The following TMEM245 variants were observed in gnomAD, a reference collection of about 807,000 sequenced individuals.
The protein encoded by TMEM245 is protein CG-2.
TMEM245 carries 69 observed loss-of-function variants against 101.2 expected under a neutral mutation model. The ratio of observed to expected loss-of-function variants is 0.68; its 90% CI spans 0.56 to 0.83. The LOEUF is 0.83. Ranked by LOEUF, TMEM245 falls within the 40% of genes least tolerant of loss-of-function variation. The pLI, the probability that TMEM245 is intolerant of heterozygous loss-of-function variation, is 0.00. For synonymous variants in TMEM245, 537 were observed against 449.8 expected (o/e 1.19, Z -2.45); for missense variants, 1,075 against 1,092.8 (o/e 0.98, Z 0.23).
intron 17 of TMEM245, among the ~76,000 whole-genome samples, chr9:109,031,446 A>G (rs1827942143): frequency 6.6e-6 from 1 of 152,254 alleles, no homozygotes; most frequent in African/African-American, 2.4e-5. Context: ...CCATGAACAG[A>G]GAAAAACATC....
At chr9:109,026,600 G>A (rs1195701129) in intron 17 of TMEM245, among the ~76,000 whole-genome samples, 1 of 151,198 alleles carries the variant, frequency 6.6e-6, no homozygotes, top group Non-Finnish European at 1.5e-5. Context: ...GAACTAAGAG[G>A]CAAAAGCAAC....
chr9:109,078,079 A>G (rs1829565132), intron 8 of TMEM245, among the ~76,000 whole-genome samples: 3 of 152,156 alleles, frequency 2.0e-5, no homozygotes, highest in Admixed American at 2.0e-4. Flanking sequence ...CTGCTGTTTA[A>G]CTTATCTAAA....
chr9:109,108,429 A>G, intron 2 of TMEM245, 24 bp downstream of exon 2: 1 of 1,378,834 alleles, frequency 7.3e-7, no homozygotes, highest in East Asian at 2.5e-5. Flanking sequence ...TTAAAAAAAA[A>G]AAAAAAAAAA....
At chr9:109,057,907 C>T (rs1007338276) in intron 11 of TMEM245, among the ~76,000 whole-genome samples, 1 of 150,018 alleles carries the variant, frequency 6.7e-6, no homozygotes, top group African/African-American at 2.5e-5. Flanking sequence ...CTACAACACA[C>T]TAAACAGCAT....
intron 14 of TMEM245, among the ~76,000 whole-genome samples, chr9:109,044,576 T>A (rs1232869650): frequency 6.6e-6 from 1 of 152,082 alleles, no homozygotes; most frequent in Admixed American, 6.6e-5. Context: ...AGTGAGCTGG[T>A]GGGAGAGACC....
intron 8 of TMEM245, among the ~76,000 whole-genome samples, chr9:109,079,563 G>T (rs778613544): frequency 2.6e-5 from 4 of 152,036 alleles, no homozygotes; most frequent in Non-Finnish European, 5.9e-5. Flanking sequence ...AACCAATAAG[G>T]TTCCCTCAAA....
intron 10 of TMEM245, among the ~76,000 whole-genome samples, chr9:109,061,146 T>G (rs1333660042): frequency 6.6e-6 from 1 of 152,150 alleles, no homozygotes; most frequent in African/African-American, 2.4e-5. Context: ...CGAAACCCCA[T>G]CTTTACAAAA....
In TMEM245 at chr9:109,064,479, T is replaced by G; in HGVS notation, c.1621A>C (p.Lys541Gln). 6.2e-7 allele frequency: 1 copy of G among 1,612,186 alleles called. No homozygotes were observed. Among genetic ancestry groups the G allele is most frequent in the Non-Finnish European group, 8.5e-7 (1 of 1,179,064 alleles). ...YQYGREWITH[K>Q]LHKILGDKVN... ...ACAAAGAAAGTTTCTTCCCTTACCT[T>G]GTGAGTTATCCATTCTCGTCCATAC... Residue 541 changes from lysine (K) to glutamine (Q), a missense_variant and splice_region_variant, in exon 10 of 18, where the codon AAG becomes CAG. By Grantham distance (53) the Lys-to-Gln change is moderately conservative (BLOSUM62 1). Coordinates refer to ENST00000374586, the MANE Select transcript of TMEM245 (RefSeq NM_032012.4).
intron 6 of TMEM245, 103 bp downstream of exon 6, chr9:109,087,068 CAT>C (rs1829861077): frequency 1.1e-6 from 1 of 942,930 alleles, no homozygotes; most frequent in Non-Finnish European, 1.5e-6. Flanking sequence ...TTAGATATTA[CAT>C]GTGTTATCAA....
intron 2 of TMEM245, 53 bp from the exon 3 acceptor site, chr9:109,106,662 T>G: frequency 7.4e-7 from 1 of 1,358,336 alleles, no homozygotes; most frequent in Non-Finnish European, 1.0e-6. Context: ...CTAGTACTTG[T>G]TTTTACAAAA....
At chr9:109,063,534 T>C (rs1444226874) in intron 10 of TMEM245, among the ~76,000 whole-genome samples, 1 of 152,222 alleles carries the variant, frequency 6.6e-6, no homozygotes, top group Non-Finnish European at 1.5e-5. Context: ...GCACAAGTCT[T>C]ACTGCAACAA....
In TMEM245 at chr9:109,020,239, C is replaced by T. The variant is rs1827577713; in HGVS notation, c.*221G>A. On this transcript the variant is annotated 3_prime_UTR_variant, in exon 18 of 18. Transcript: ENST00000374586. ...GCCATCTTAACAACAGTTAAGTGAG[C>T]AAACCACCAACTCTGAACTCTCAAG... 3.4e-6 allele frequency: 2 copies of T among 587,232 alleles called. No homozygotes were observed. 36.4% of individuals were successfully genotyped at this position (587,232 alleles called of 1,614,324 possible). A position where few individuals can be genotyped will look rare whatever the true frequency, so the allele number is the denominator to read the frequency against.
chr9:109,086,473 T>A (rs1370423281), intron 6 of TMEM245, among the ~76,000 whole-genome samples: 1 of 152,202 alleles, frequency 6.6e-6, no homozygotes, highest in Non-Finnish European at 1.5e-5. Flanking sequence ...TGCCACTGTA[T>A]CCCATACACA....
chr9:109,105,064 A>T (rs2132632348), intron 3 of TMEM245, among the ~76,000 whole-genome samples: 1 of 152,334 alleles, frequency 6.6e-6, no homozygotes, highest in East Asian at 1.9e-4. Flanking sequence ...AGAGAGTAAA[A>T]ATACAACCCA....
At chr9:109,048,090 C>T (rs949862168) in intron 14 of TMEM245, among the ~76,000 whole-genome samples, 1 of 152,158 alleles carries the variant, frequency 6.6e-6, no homozygotes, top group Non-Finnish European at 1.5e-5. Flanking sequence ...CAGCTTCACC[C>T]CAATTGCTGT....
At chr9:109,088,773 G>A (rs1401699280) in intron 5 of TMEM245, among the ~76,000 whole-genome samples, 11 of 134,710 alleles carry the variant, frequency 8.2e-5, no homozygotes, top group Non-Finnish European at 1.2e-4. Flanking sequence ...CCGAGATCCC[G>A]CCACTGCACT....
At chr9:109,100,190 C>G (rs538006686) in intron 3 of TMEM245, among the ~76,000 whole-genome samples, 70 of 152,270 alleles carry the variant, frequency 4.6e-4, no homozygotes, top group Admixed American at 1.4e-3. Context: ...ACTGAAGGAG[C>G]TGACAACTAC....
intron 12 of TMEM245, among the ~76,000 whole-genome samples, chr9:109,055,778 G>C (rs2132412724): frequency 6.6e-6 from 1 of 152,092 alleles, no homozygotes; most frequent in East Asian, 1.9e-4. Flanking sequence ...GGGATTACAG[G>C]CATGCGCCAC....
chr9:109,065,425 T>A (rs1419893150), intron 9 of TMEM245, among the ~76,000 whole-genome samples: 1 of 152,130 alleles, frequency 6.6e-6, no homozygotes, highest in Non-Finnish European at 1.5e-5. Flanking sequence ...GAATCACTAA[T>A]CTAAGGAAGT....
Sources: gnomAD v4.1 joint callset for allele counts (sites outside exome capture counted in the v4.1 genomes callset) on GRCh38, gnomAD v4.1.1 for gene constraint, MANE v1.5 for transcripts, NCBI Gene and HGNC (gene_info 2026-07-23, HGNC 2026-07-21) for gene names.